The following HERC2 variants were observed in gnomAD, a reference collection of about 807,000 sequenced individuals.
HERC2 encodes HECT and RLD domain containing E3 ubiquitin protein ligase 2, also known as E3 ubiquitin-protein ligase HERC2.
A neutral mutation model predicts 537.7 loss-of-function variants in HERC2; 102 were observed. That is an observed-to-expected ratio of 0.19 (90% CI 0.16 to 0.22). The LOEUF (loss-of-function observed/expected upper bound fraction) is 0.22, where lower values mean the gene tolerates loss of function less well. Ranked by LOEUF, HERC2 falls within the 10% of genes least tolerant of loss-of-function variation. The pLI, the probability that HERC2 is intolerant of heterozygous loss-of-function variation, is 1.00. For synonymous variants in HERC2, 2,224 were observed against 2,466.2 expected, an observed-to-expected ratio of 0.90 and a Z score of 2.91; for missense variants, 4,236 against 6,198.2, an observed-to-expected ratio of 0.68 and a Z score of 10.63.
At position 28,175,515 on chromosome 15, in the gene HERC2, C is replaced by T. The variant is rs766371730; in HGVS notation, c.9828G>A (p.Gly3276=). Residue 3276 remains glycine, a synonymous_variant, in exon 64 of 93, where the codon GGG becomes GGA. Transcript: ENST00000261609. ...CCCAGGCCACCTGCAGCCTTACCTG[C>T]CCCGAGTCCGTGACCGCCAGGCAGT... ...ALHCLAVTDS[G]QVYAWGDNDH... is the part of the protein sequence containing the mutation. 1.6e-5 allele frequency: 26 copies of T among 1,611,112 alleles called. No homozygotes were observed. Among genetic ancestry groups the T allele is most frequent in the African/African-American group, 4.0e-5 (3 of 74,838 alleles).
chr15:28,117,147 C>G lies in HERC2; in HGVS notation c.13280G>C (p.Arg4427Pro). 1 of 1,613,900 alleles carries G rather than the reference C, an allele frequency of 6.2e-7. No individual in the cohort carries two copies. Among genetic ancestry groups the G allele is most frequent in the Non-Finnish European group, 8.5e-7 (1 of 1,179,992 alleles). ...VVELNRIQVK[R>P]SRSKGGLAGP... is the part of the protein sequence containing the mutation. ...GGCCAGCCCGCCTTTGCTCCTTGATCGTTTGACCTGGAGAGGAGGAAGCAA... is the reference window on the plus strand; with the variant it reads ...GGCCAGCCCGCCTTTGCTCCTTGATGGTTTGACCTGGAGAGGAGGAAGCAA... Residue 4427 changes from arginine to proline, a missense_variant, in exon 87 of 93, where the codon CGA becomes CCA. Transcript: ENST00000261609.
intron 4 of HERC2, among the ~76,000 whole-genome samples, chr15:28,282,993 G>A (rs1368315733): frequency 6.9e-6 from 1 of 143,910 alleles, no homozygotes; most frequent in African/African-American, 2.7e-5. Flanking sequence ...GGACTGGATG[G>A]GACGGGATGG....
chr15:28,315,983 T>C (rs377451312), intron 2 of HERC2: 38 of 371,694 alleles, frequency 1.0e-4, no homozygotes, highest in East Asian at 8.8e-4. Context: ...CCTGGACCTG[T>C]GACATTCTGG....
At chr15:28,174,318 T>G (rs374114550) in intron 65 of HERC2, 77 bp downstream of exon 65, 1 of 1,043,358 alleles carries the variant, frequency 9.6e-7, no homozygotes, top group Non-Finnish European at 1.4e-6. Context: ...TCTAATTGTG[T>G]TGGCACAATT....
Position 28,230,426 on chromosome 15 carries a change from T to C in HERC2, c.4750A>G (p.Ile1584Val), listed in dbSNP as rs761490330. ...ACATTTATTGGACTATGAGGCAAAATGCAAGCTTCTTCTAAATCACTCTCT... is the reference window on the plus strand; with the variant it reads ...ACATTTATTGGACTATGAGGCAAAACGCAAGCTTCTTCTAAATCACTCTCT... ...NEESDLEEAC[I>V]LPHSPINVDK... The change falls in exon 31 of 93, where the codon ATT (isoleucine) becomes GTT (valine). Residue 1584 changes from isoleucine (I) to valine (V), a missense_variant. Ile to Val is a conservative substitution (Grantham distance 29). Transcript: ENST00000261609. The C allele has an allele frequency of 2.0e-6, 3 of 1,466,560 alleles. No homozygotes were observed. Among genetic ancestry groups the C allele is most frequent in the Admixed American group, 3.3e-5 (2 of 59,836 alleles). The allele number at this position is 1,466,560 out of a possible 1,614,324, so 90.8% of individuals were successfully genotyped here. A position where few individuals can be genotyped will look rare whatever the true frequency, so the allele number is the denominator to read the frequency against.
intron 79 of HERC2, among the ~76,000 whole-genome samples, chr15:28,133,487 C>T (rs1199940209): frequency 6.6e-6 from 1 of 152,094 alleles, no homozygotes; most frequent in African/African-American, 2.4e-5. Flanking sequence ...ATGAATCATG[C>T]TTTTGGAGTT....
chr15:28,147,969 C>T (rs1037447089), intron 70 of HERC2, among the ~76,000 whole-genome samples: 21 of 150,234 alleles, frequency 1.4e-4, no homozygotes, highest in South Asian at 4.2e-4. Context: ...CCTGGGAGGT[C>T]GAGGCTGCAG....
At position 28,268,920 on chromosome 15, in the gene HERC2, G is replaced by A. The variant is rs113942559; in HGVS notation, c.1447-304C>T. 4.0e-3 allele frequency among the ~76,000 whole-genome samples: 608 copies of A among 152,138 alleles called. 4 individuals are homozygous for A. Among genetic ancestry groups the A allele is most frequent in the African/African-American group, 0.014 (577 of 41,510 alleles). ...CCTCGCTTTAATGAAAACATGCCACGTCCCAATTTGCCACTATCCCCACGA... is the reference window on the plus strand; with the variant it reads ...CCTCGCTTTAATGAAAACATGCCACATCCCAATTTGCCACTATCCCCACGA... On this transcript the variant is annotated intron_variant, in intron 11 of 92. Coordinates refer to ENST00000261609, the MANE Select transcript of HERC2 (RefSeq NM_004667.6). This position sits in a 1 kb window ranked among gnomAD's most constrained non-coding sequence, Gnocchi z 4.7.
chr15:28,137,466 C>G (rs761039016), intron 78 of HERC2, among the ~76,000 whole-genome samples: 1 of 152,204 alleles, frequency 6.6e-6, no homozygotes, highest in Non-Finnish European at 1.5e-5. Flanking sequence ...CATGTGCTGA[C>G]TTACCGTCGC....
chr15:28,190,779 A>C, intron 55 of HERC2, 186 bp downstream of exon 55: 2 of 598,790 alleles, frequency 3.3e-6, no homozygotes, highest in Admixed American at 3.0e-5. Flanking sequence ...TTTCAAGCTG[A>C]ACTGATAAGC....
chr15:28,250,211 C>G (rs928324198), intron 20 of HERC2, among the ~76,000 whole-genome samples: 11 of 152,168 alleles, frequency 7.2e-5, no homozygotes, highest in African/African-American at 2.2e-4. Context: ...AAACTACCAG[C>G]AGCATGAGTA....
At chr15:28,303,502 T>C (rs1311834863) in intron 2 of HERC2, among the ~76,000 whole-genome samples, 2 of 152,218 alleles carry the variant, frequency 1.3e-5, no homozygotes, top group East Asian at 1.9e-4. Flanking sequence ...CAGTTTTGTT[T>C]TTTGCTCAGG....
At chr15:28,302,854 T>C (rs2076672740) in intron 2 of HERC2, among the ~76,000 whole-genome samples, 1 of 152,182 alleles carries the variant, frequency 6.6e-6, no homozygotes, top group African/African-American at 2.4e-5. Flanking sequence ...TATTGGATTA[T>C]TAGATTTTTT....
At chr15:28,210,795 C>T (rs1358369105) in intron 44 of HERC2, among the ~76,000 whole-genome samples, 6 of 151,806 alleles carry the variant, frequency 4.0e-5, no homozygotes, top group African/African-American at 1.5e-4. Flanking sequence ...ACCTTTTTCC[C>T]TCCCCACCCA....
chr15:28,216,009 T>A (rs1899856472), intron 38 of HERC2, among the ~76,000 whole-genome samples: 1 of 152,152 alleles, frequency 6.6e-6, no homozygotes, highest in Non-Finnish European at 1.5e-5. Flanking sequence ...TTTCTCAATT[T>A]TTCTTTTTTT....
intron 10 of HERC2, 69 bp from the exon 11 acceptor site, chr15:28,269,505 G>A: frequency 8.2e-7 from 1 of 1,214,586 alleles, no homozygotes; most frequent in Non-Finnish European, 1.2e-6. Context: ...GAGTAACACT[G>A]AGCTACTACA....
chr15:28,304,946 A>G (rs1482201312), intron 2 of HERC2, among the ~76,000 whole-genome samples: 2 of 143,678 alleles, frequency 1.4e-5, no homozygotes, highest in Non-Finnish European at 3.0e-5. Flanking sequence ...ATTCCCACCT[A>G]TGAGTGAGAA....
chr15:28,116,666 C>T lies in HERC2; in HGVS notation c.13608G>A (p.Leu4536=), dbSNP rs1224179273. 2 of 1,605,646 alleles carry T rather than the reference C, an allele frequency of 1.2e-6. No individual in the cohort carries two copies. Among genetic ancestry groups the T allele is most frequent in the South Asian group, 2.2e-5 (2 of 90,554 alleles). ...GTCTCAAGCGGCCGAGAAGCTCACC[C>T]AGGAAGCGGAACATGCTGCTGTGCA... ...APVHSSMFRF[L]GVLLGIAIRT... The change falls in exon 88 of 93, where the codon CTG becomes CTA. Residue 4536 remains leucine (L), a splice_region_variant and synonymous_variant. Transcript: ENST00000261609.
chr15:28,179,033 G>A lies in HERC2; in HGVS notation c.9020-3C>T, dbSNP rs775104433. 6.2e-7 allele frequency: 1 copy of A among 1,613,150 alleles called. No individual in the cohort carries two copies. The highest frequency in any genetic ancestry group is 8.5e-7 in the Non-Finnish European group (1 of 1,179,380). On this transcript the variant is annotated splice_polypyrimidine_tract_variant and splice_region_variant and intron_variant, in intron 58 of 92. Coordinates refer to ENST00000261609, the MANE Select transcript of HERC2 (RefSeq NM_004667.6). ...ATACACCTTCCCTTCCACAGTCACTGCAAGGAACGACAGCCAGGAGAGGAC... is the reference window on the plus strand; with the variant it reads ...ATACACCTTCCCTTCCACAGTCACTACAAGGAACGACAGCCAGGAGAGGAC...
Sources: allele counts gnomAD v4.1 joint callset (sites outside exome capture counted in the v4.1 genomes callset), GRCh38; gene constraint gnomAD v4.1.1; non-coding constraint Gnocchi (gnomAD v3.1); transcripts MANE v1.5; gene names NCBI Gene and HGNC (gene_info 2026-07-23, HGNC 2026-07-21).